Variants in YARS2 observed in about 807,000 individuals in gnomAD.
The protein encoded by YARS2 is tyrosine--tRNA ligase, mitochondrial.
Under a neutral mutation model 45.0 loss-of-function variants are expected in YARS2, and 38 were observed. The observed-to-expected ratio is 0.84, with a 90% CI of 0.65 to 1.11. The LOEUF (loss-of-function observed/expected upper bound fraction) is 1.11. Ranked by LOEUF, YARS2 falls within the 50% of genes least tolerant of loss-of-function variation. The pLI is 0.00. For missense variants in YARS2, 602 were observed against 599.8 expected (o/e 1.00, Z -0.04); for synonymous variants, 287 against 245.1 (o/e 1.17, Z -1.60).
intron 3 of YARS2, 126 bp from the exon 4 acceptor site, chr12:32,750,233 GCT>G (rs1361621115): frequency 4.5e-6 from 5 of 1,115,568 alleles, no homozygotes; most frequent in Non-Finnish European, 6.4e-6. Flanking sequence ...ATGGAGTCTC[GCT>G]CTGTTGCCCC....
chr12:32,748,057 C>T (rs867841795), intron 4 of YARS2, among the ~76,000 whole-genome samples: 54 of 152,138 alleles, frequency 3.5e-4, no homozygotes, highest in African/African-American at 1.2e-3. Context: ...AGGGCTACAG[C>T]GTGGCTAGAT....
chr12:32,754,103 T>C lies in YARS2; in HGVS notation c.780-18A>G. On this transcript the variant is annotated intron_variant, in intron 1 of 4. Coordinates refer to ENST00000324868, the MANE Select transcript of YARS2 (RefSeq NM_001040436.3). ...CAGTCAACCTACGCATAAAGAACAA[T>C]TTCATTATGTGCCTCAAGCACAAGT... The C allele has an allele frequency of 1.9e-6, 3 of 1,614,030 alleles. No homozygotes were observed. The highest frequency in any genetic ancestry group is 2.5e-6 in the Non-Finnish European group (3 of 1,179,892).
intron 4 of YARS2, among the ~76,000 whole-genome samples, chr12:32,748,558 CTATAG>C (rs1955683415): frequency 6.6e-6 from 1 of 152,078 alleles, no homozygotes; most frequent in Non-Finnish European, 1.5e-5. Context: ...AGCGAACACA[CTATAG>C]TAAAGTTCAG....
At chr12:32,748,936 T>C (rs912196329) in intron 4 of YARS2, among the ~76,000 whole-genome samples, 1 of 152,246 alleles carries the variant, frequency 6.6e-6, no homozygotes, top group Non-Finnish European at 1.5e-5. Context: ...TCCACCTCAC[T>C]GTTCATTTAA....
rs760254193 is a variant in YARS2 at position 32,755,483 on chromosome 12, G to A, written c.392C>T (p.Ala131Val). Residue 131 changes from alanine to valine, a missense_variant, in exon 1 of 5, where the codon GCG becomes GTG. Transcript: ENST00000324868. ...GGCTCGCACGCGCTCTGTCTCCAGC[G>A]CCTCGCGTTCCTTGGTACGGCCGCT... ...DPSGRTKERE[A>V]LETERVRANA... The A allele has an allele frequency of 1.2e-6, 2 of 1,612,296 alleles. No homozygotes were observed. The highest frequency in any genetic ancestry group is 1.7e-6 in the Non-Finnish European group (2 of 1,179,430).
chr12:32,753,783 T>C, intron 2 of YARS2, 135 bp downstream of exon 2: 1 of 1,167,116 alleles, frequency 8.6e-7, no homozygotes, highest in Non-Finnish European at 1.3e-6. Context: ...TAGTCTTCTA[T>C]GATGTAATGG....
At position 32,753,920 on chromosome 12, in the gene YARS2, T is replaced by C. The variant is rs752991604; in HGVS notation, c.945A>G (p.Glu315=). ...TCAGCCCATTATTCAGAACTCACCT[T>C]TCCACTGAATCGTCCGGTTGCCTGA... ...FFVRQPDDSV[E]RYLKLFTFLP... The change falls in exon 2 of 5, where the codon GAA becomes GAG. Residue 315 remains glutamate (E), a splice_region_variant and synonymous_variant. Transcript: ENST00000324868. 31 of 1,614,094 alleles carry C rather than the reference T, an allele frequency of 1.9e-5. No individual in the cohort carries two copies. Among genetic ancestry groups the C allele is most frequent in the Non-Finnish European group, 2.4e-5 (28 of 1,180,044 alleles).
At chr12:32,753,142 C>T (rs183023761) in intron 2 of YARS2, among the ~76,000 whole-genome samples, 2 of 151,790 alleles carry the variant, frequency 1.3e-5, no homozygotes, top group East Asian at 1.9e-4. Context: ...GGTGAAACTC[C>T]ACCATTACTA....
At chr12:32,752,482 C>T (rs928118784) in intron 2 of YARS2, among the ~76,000 whole-genome samples, 11 of 152,018 alleles carry the variant, frequency 7.2e-5, no homozygotes, top group African/African-American at 2.4e-4. Context: ...AGGCCGGGTG[C>T]GGTAGCTCAA....
In YARS2 at chr12:32,750,436, C is replaced by CAG. The variant is rs577567134; in HGVS notation, c.1103+282_1103+283insCT. ...CAGGCTGGTCTCGAACTCCTGACCT[C>CAG]GTGATCAGCCCACCTTGGCCTCCCA... On this transcript the variant is annotated intron_variant, in intron 3 of 4. Transcript: ENST00000324868. Among the ~76,000 whole-genome samples, 36 of 152,242 alleles carry CAG rather than the reference C, an allele frequency of 2.4e-4. 1 individual carries two copies. The East Asian group carries it at 6.4e-3, about 27-fold the overall frequency.
rs1191151318 is a variant in YARS2 at position 32,747,262 on chromosome 12, A to G, written c.1376T>C (p.Leu459Pro). ...IVGQHILKNGLSLLKIGKRNF... is the reference protein window; with the variant it reads ...IVGQHILKNGPSLLKIGKRNF... ...TCTTTTTCCTATTTTAAGTAAGGAAAGTCCATTCTTGAGAATATGTTGTCC... is the reference window on the plus strand; with the variant it reads ...TCTTTTTCCTATTTTAAGTAAGGAAGGTCCATTCTTGAGAATATGTTGTCC... Residue 459 changes from leucine (L) to proline (P), a missense_variant, in exon 5 of 5, where the codon CTT (leucine) becomes CCT (proline). By Grantham distance (98) the Leu-to-Pro change is moderately conservative. Transcript: ENST00000324868. 6.2e-7 allele frequency: 1 copy of G among 1,613,950 alleles called. No individual in the cohort carries two copies. Among genetic ancestry groups the G allele is most frequent in the South Asian group, 1.1e-5 (1 of 91,044 alleles).
intron 1 of YARS2, 121 bp downstream of exon 1, chr12:32,754,975 G>C: frequency 1.6e-6 from 2 of 1,272,492 alleles, no homozygotes; most frequent in Non-Finnish European, 2.3e-6. Context: ...AGCCTTAATG[G>C]GGATAAAACC....
At chr12:32,754,521 AC>A (rs1260408423) in intron 1 of YARS2, among the ~76,000 whole-genome samples, 1 of 152,128 alleles carries the variant, frequency 6.6e-6, no homozygotes, top group African/African-American at 2.4e-5. Flanking sequence ...AGTTGAAAAA[AC>A]TTTTTGAGAT....
Position 32,747,169 on chromosome 12 carries a change from G to C in YARS2, c.*35C>G. On this transcript the variant is annotated 3_prime_UTR_variant, in exon 5 of 5. Coordinates refer to ENST00000324868, the MANE Select transcript of YARS2 (RefSeq NM_001040436.3). ...TCAGAGGTCTTGAGAATGAATGATG[G>C]GTAAGTTTATTTGGACAACCAGAAG... 2 of 1,608,908 alleles carry C rather than the reference G, an allele frequency of 1.2e-6. No individual in the cohort carries two copies. Among genetic ancestry groups the C allele is most frequent in the Non-Finnish European group, 1.7e-6 (2 of 1,177,750 alleles).
chr12:32,755,354 G>A lies in YARS2; in HGVS notation c.521C>T (p.Ser174Leu). ...CAGGTGCTGCTTCTGGTACCAGGCC[G>A]AGTTGTCCAGCACAGTGAAGCTGCC... ...SWGSFTVLDN[S>L]AWYQKQHLVD... The change falls in exon 1 of 5, where the codon TCG (serine) becomes TTG (leucine). Residue 174 changes from serine (S) to leucine (L), a missense_variant. Coordinates refer to ENST00000324868, the MANE Select transcript of YARS2 (RefSeq NM_001040436.3). The A allele has an allele frequency of 6.2e-7, 1 of 1,614,076 alleles. No homozygotes were observed.
At position 32,753,981 on chromosome 12, in the gene YARS2, T is replaced by A. The variant is rs1246806430; in HGVS notation, c.884A>T (p.Asp295Val). Reference protein sequence around the residue: ...SAGNAVWLNRDKTSPFELYQF... With the variant: ...SAGNAVWLNRVKTSPFELYQF... ...ATACAATTCAAATGGAGATGTCTTA[T>A]CTCTGTTTAGCCAAACAGCGTTGCC... The change falls in exon 2 of 5, where the codon GAT (aspartate) becomes GTT (valine). Residue 295 changes from aspartate (D) to valine (V), a missense_variant. Asp to Val is a radical substitution (Grantham distance 152). Transcript: ENST00000324868. 1 of 1,614,238 alleles carries A rather than the reference T, an allele frequency of 6.2e-7. No individual in the cohort carries two copies. The highest frequency in any genetic ancestry group is 1.1e-5 in the South Asian group (1 of 91,090).
Position 32,755,162 on chromosome 12 carries a change from C to T in YARS2, c.713G>A (p.Cys238Tyr). Residue 238 changes from cysteine to tyrosine, a missense_variant, in exon 1 of 5, where the codon TGC becomes TAC. By Grantham distance (194) the Cys-to-Tyr change is radical (BLOSUM62 -2). Coordinates refer to ENST00000324868, the MANE Select transcript of YARS2 (RefSeq NM_001040436.3). ...DFYYLFQRYG[C>Y]RVQLGGSDQL... ...ATCAGATCCGCCCAGCTGGACCCTG[C>T]ATCCATAACGCTGGAAGAGGTAATA... 1 of 1,614,220 alleles carries T rather than the reference C, an allele frequency of 6.2e-7. No individual in the cohort carries two copies. Among genetic ancestry groups the T allele is most frequent in the South Asian group, 1.1e-5 (1 of 91,084 alleles).
rs1039905291 is a variant in YARS2, at chr12:32,755,082, T to C, written c.779+14A>G. 1.2e-6 allele frequency: 2 copies of C among 1,614,112 alleles called. No homozygotes were observed. The highest frequency in any genetic ancestry group is 1.3e-5 in the African/African-American group (1 of 75,016). The stretch of plus-strand genomic sequence containing the variant: ...TTTGGTCCCAGGATTTCCCCAAGGT[T>C]TAAAGGCACTTACTTGTTGATGAAC... On this transcript the variant is annotated intron_variant, in intron 1 of 4. Coordinates refer to ENST00000324868, the MANE Select transcript of YARS2 (RefSeq NM_001040436.3).
At chr12:32,750,694 A>G (rs1955727004) in intron 3 of YARS2, 25 bp downstream of exon 3, 1 of 1,612,534 alleles carries the variant, frequency 6.2e-7, no homozygotes, top group Admixed American at 1.7e-5. Flanking sequence ...CTAACTATCA[A>G]GTGTTAATCA....
Sources: gnomAD v4.1 joint callset for allele counts (sites outside exome capture counted in the v4.1 genomes callset) on GRCh38, gnomAD v4.1.1 for gene constraint, MANE v1.5 for transcripts, NCBI Gene and HGNC (gene_info 2026-07-23, HGNC 2026-07-21) for gene names.